SP140: variants seen among roughly 807,000 people sequenced by gnomAD.
SP140 encodes the protein nuclear body protein SP140.
A neutral mutation model predicts 125.0 loss-of-function variants in SP140; 81 were observed. That is an observed-to-expected ratio of 0.65 (90% CI 0.54 to 0.78). The LOEUF (loss-of-function observed/expected upper bound fraction) is 0.78, where lower values mean the gene tolerates loss of function less well. SP140 is among the 30% of genes least tolerant of loss of function. SP140 has a pLI of 0.00. For missense variants in SP140, 858 were observed against 1,037.0 expected (o/e 0.83, Z 2.37); for synonymous variants, 312 against 354.0 (o/e 0.88, Z 1.33).
chr2:230,199,145 ATTATTT>A (rs752219548), upstream of SP140, among the ~76,000 whole-genome samples: 23 of 121,704 alleles, frequency 1.9e-4, no homozygotes, highest in Non-Finnish European at 3.3e-4. Context: ...TATTATTATT[ATTATTT>A]TTTTTTTTTT....
intron 22 of SP140, among the ~76,000 whole-genome samples, chr2:230,309,169 G>A (rs2059096796): frequency 6.6e-6 from 1 of 152,196 alleles, no homozygotes; most frequent in South Asian, 2.1e-4. Context: ...ATAGAACAAA[G>A]CACCAGCTCT....
At chr2:230,256,192 T>G (rs1397768072) in intron 12 of SP140, among the ~76,000 whole-genome samples, 3 of 152,068 alleles carry the variant, frequency 2.0e-5, no homozygotes, top group Non-Finnish European at 4.4e-5. Flanking sequence ...CAAAGGATTA[T>G]AAATCATGCT....
Position 230,248,901 on chromosome 2 carries a change from A to G in SP140, c.909A>G (p.Lys303=), listed in dbSNP as rs371239898. 6.9e-5 allele frequency: 111 copies of G among 1,612,626 alleles called. No individual in the cohort carries two copies. In the African/African-American group the frequency reaches 8.1e-4, roughly 12 times the overall value. The change falls in exon 9 of 27, where the codon AAA becomes AAG. Residue 303 remains lysine (K), a synonymous_variant. Transcript: ENST00000392045. The part of the protein sequence containing the change: ...EGRDKETFDL[K]TPQVTNEGEP... ...TATCTGCAGAGACCTTTGATCTAAA[A>G]ACTCCCCAAGTCACTAATGAAGGAG...
chr2:230,238,077 G>A lies in SP140; in HGVS notation c.238-136G>A, dbSNP rs1277600905. The A allele has an allele frequency of 5.5e-5, 33 of 595,922 alleles. No homozygotes were observed. The East Asian group carries it at 8.9e-4, about 16-fold the overall frequency. The allele number at this position is 595,922 out of a possible 1,614,324, so 36.9% of individuals were successfully genotyped here. On this transcript the variant is annotated intron_variant, in intron 2 of 26. Coordinates refer to ENST00000392045, the MANE Select transcript of SP140 (RefSeq NM_007237.5). ...AATTAGAGTGTATTTTTATGGTGGA[G>A]GACATTTAAGAAGTCATCCAAATAT...
chr2:230,312,764 G>T lies in SP140; in HGVS notation c.*80G>T. 9.8e-7 allele frequency: 1 copy of T among 1,016,964 alleles called. No individual in the cohort carries two copies. Among genetic ancestry groups the T allele is most frequent in the Non-Finnish European group, 1.5e-6 (1 of 647,052 alleles). The allele number at this position is 1,016,964 out of a possible 1,614,324, so 63.0% of individuals were successfully genotyped here. ...TGGTTTGCCACTGACTTCAAAATGA[G>T]GTCACTTGGGCACAGCACATGCAGG... On this transcript the variant is annotated 3_prime_UTR_variant, in exon 27 of 27. Coordinates refer to ENST00000392045, the MANE Select transcript of SP140 (RefSeq NM_007237.5).
Position 230,210,101 on chromosome 2 carries a change from T to C in SP140, c.-322-3553T>C, listed in dbSNP as rs1040815742. The C allele has an allele frequency of 3.7e-6, 3 of 819,120 alleles. No homozygotes were observed. In the African/African-American group the frequency reaches 5.0e-5, roughly 14 times the overall value. The allele number at this position is 819,120 out of a possible 1,614,324, so 50.7% of individuals were successfully genotyped here. Reference sequence around the variant, plus strand: ...ATGCAAGAACTAGAAAAGTAGAAAGTACATGCAGCCCAGGGCCGGGAATCT... The same window carrying C: ...ATGCAAGAACTAGAAAAGTAGAAAGCACATGCAGCCCAGGGCCGGGAATCT... On this transcript the variant is annotated intron_variant, in intron 1 of 4. Transcript: ENST00000456542.
chr2:230,196,992 A>G, the SP140 span, among the ~76,000 whole-genome samples: 5 of 152,098 alleles, frequency 3.3e-5, no homozygotes, highest in Admixed American at 2.6e-4. Flanking sequence ...GAATAGTGCC[A>G]CAATAAACAT....
At chr2:230,314,337 G>A (rs183441740), downstream of SP140, among the ~76,000 whole-genome samples, 12 of 152,328 alleles carry the variant, frequency 7.9e-5, no homozygotes, top group South Asian at 2.1e-4. Context: ...TGGGCAGGGC[G>A]GCAAAGTGAA....
chr2:230,291,118 A>G (rs2057062011), intron 19 of SP140, among the ~76,000 whole-genome samples: 1 of 152,202 alleles, frequency 6.6e-6, no homozygotes, highest in Admixed American at 6.5e-5. Context: ...TTGCATATTG[A>G]TGTAAAATAT....
At chr2:230,215,220 T>C in intron 3 of SP140, 2 of 916,670 alleles carry the variant, frequency 2.2e-6, no homozygotes, top group Non-Finnish European at 3.5e-6. Context: ...CTTACTCTTT[T>C]AAGAAGAAAT....
intron 1 of SP140, among the ~76,000 whole-genome samples, chr2:230,210,355 G>A (rs2044333161): frequency 1.3e-5 from 2 of 152,210 alleles, no homozygotes; most frequent in African/African-American, 4.8e-5. Context: ...TAGTCACATG[G>A]TTTCTGCTCC....
intron 3 of SP140, chr2:230,216,974 G>A (rs201785605): frequency 3.4e-5 from 53 of 1,569,422 alleles, no homozygotes; most frequent in African/African-American, 1.2e-4. Flanking sequence ...GGCTGGGCGC[G>A]GTGGCTCATG....
At chr2:230,270,712 C>T in intron 15 of SP140, 73 bp downstream of exon 15, 1 of 1,347,408 alleles carries the variant, frequency 7.4e-7, no homozygotes, top group Non-Finnish European at 1.1e-6. Flanking sequence ...TTAATTTTGT[C>T]ATTGTTACTA....
chr2:230,186,628 C>T, the SP140 span, among the ~76,000 whole-genome samples: 17 of 152,078 alleles, frequency 1.1e-4, no homozygotes, highest in Non-Finnish European at 1.6e-4. Context: ...ACATTGTACC[C>T]AATACATAGG....
At chr2:230,242,396 A>G (rs1178125945) in intron 4 of SP140, among the ~76,000 whole-genome samples, 1 of 152,208 alleles carries the variant, frequency 6.6e-6, no homozygotes, top group African/African-American at 2.4e-5. Context: ...AGTTTTCAGA[A>G]TGAACTGTTC....
intron 12 of SP140, among the ~76,000 whole-genome samples, chr2:230,265,795 G>C (rs535805908): frequency 9.7e-6 from 1 of 103,058 alleles, no homozygotes; most frequent in Admixed American, 9.0e-5. Flanking sequence ...TTTTACGGGG[G>C]GGGGCGGTCT....
chr2:230,312,689 A>C lies in SP140; in HGVS notation c.*5A>C. 6.3e-7 allele frequency: 1 copy of C among 1,593,630 alleles called. No homozygotes were observed. The highest frequency in any genetic ancestry group is 8.6e-7 in the Non-Finnish European group (1 of 1,162,620). On this transcript the variant is annotated 3_prime_UTR_variant, in exon 27 of 27. Coordinates refer to ENST00000392045, the MANE Select transcript of SP140 (RefSeq NM_007237.5). ...GAAACAAATGGGAACAATTGACTGG[A>C]TTAGTGGATGCTGAAAGCATTCAGC...
intron 23 of SP140, 74 bp from the exon 24 acceptor site, chr2:230,310,669 G>C (rs1220327272): frequency 7.6e-7 from 1 of 1,314,150 alleles, no homozygotes; most frequent in African/African-American, 1.5e-5. Context: ...CCTGAAGGAA[G>C]ACAGTGGTAG....
chr2:230,247,800 A>T, intron 7 of SP140, 116 bp from the exon 8 acceptor site: 1 of 979,214 alleles, frequency 1.0e-6, no homozygotes, highest in Non-Finnish European at 1.5e-6. Context: ...CTAAAGGCTT[A>T]GCCCTGTGCT....
Sources: gnomAD v4.1 joint callset for allele counts (sites outside exome capture counted in the v4.1 genomes callset) on GRCh38, gnomAD v4.1.1 for gene constraint, MANE v1.5 for transcripts, NCBI Gene and HGNC (gene_info 2026-07-23, HGNC 2026-07-21) for gene names.